The following PLCH1 variants were observed in gnomAD, a reference collection of about 807,000 sequenced individuals.
PLCH1 encodes the protein 1-phosphatidylinositol 4,5-bisphosphate phosphodiesterase eta-1.
In PLCH1, 60 loss-of-function variants were observed where a neutral mutation model predicts 126.7. That is an observed-to-expected ratio of 0.47 (90% confidence interval 0.38 to 0.59). The LOEUF (loss-of-function observed/expected upper bound fraction) is 0.59, where lower values mean the gene tolerates loss of function less well. Among genes scored for constraint, PLCH1 ranks in the 20% least tolerant of loss-of-function variants. The pLI is 0.00. For missense variants in PLCH1, 1,723 were observed against 2,040.0 expected (o/e 0.84, Z 2.99); for synonymous variants, 719 against 734.9 (o/e 0.98, Z 0.35).
rs10626251 is a variant in PLCH1 at position 155,456,335 on chromosome 3, TAA to T, written c.2938+29019_2938+29020del. On this transcript the variant is annotated intron_variant, in intron 21 of 21. Transcript: ENST00000494598. ...CTAACACTAATGATAGCTAATGAGC[TAA>T]AAAAAAAAAAAAAAATCTCATAATG... Among the ~76,000 whole-genome samples, 504 of 136,046 alleles carry T rather than the reference TAA, an allele frequency of 3.7e-3. 5 individuals carry two copies. The highest frequency in any genetic ancestry group is 9.6e-3 in the African/African-American group (357 of 37,268). The allele number at this position is 136,046 out of a possible 152,430, so 89.3% of individuals were successfully genotyped here.
chr3:155,667,614 CTGAT>C (rs1742871682), intron 2 of PLCH1, among the ~76,000 whole-genome samples: 2 of 152,122 alleles, frequency 1.3e-5, no homozygotes, highest in East Asian at 1.9e-4. Flanking sequence ...AATTATAAAA[CTGAT>C]TGGCTCAACT....
chr3:155,673,647 G>T (rs183375961), intron 2 of PLCH1, among the ~76,000 whole-genome samples: 1 of 152,082 alleles, frequency 6.6e-6, no homozygotes, highest in Non-Finnish European at 1.5e-5. Flanking sequence ...TCTGTTACAC[G>T]TCTTCAAGAA....
intron 10 of PLCH1, among the ~76,000 whole-genome samples, chr3:155,532,106 A>C (rs1226910763): frequency 6.6e-6 from 1 of 152,190 alleles, no homozygotes; most frequent in Non-Finnish European, 1.5e-5. Flanking sequence ...CTTCCTCACT[A>C]AGCTTAATCA....
chr3:155,611,341 G>C (rs924864872), intron 2 of PLCH1, among the ~76,000 whole-genome samples: 2 of 152,072 alleles, frequency 1.3e-5, no homozygotes, highest in East Asian at 3.9e-4. Context: ...AGTGAGCCGA[G>C]ATCAGGCCAC....
rs746230852 is a variant in PLCH1 at position 155,485,599 on chromosome 3, G to A, written c.2731C>T (p.Arg911Ter). ...RKRSIGDRIL[R>*]RTASAPAKGR... ...TTGGCTGGGGCGCTAGCTGTGCGTC[G>A]CAGAATTCTATCTCCAATGGATCGC... The change falls in exon 22 of 23, where the codon CGA (arginine) becomes TGA (stop). Residue 911 changes from arginine to a stop codon, truncating the protein, a stop_gained. Transcript: ENST00000460012. LOFTEE classifies it high-confidence loss of function. 2 of 1,613,576 alleles carry A rather than the reference G, an allele frequency of 1.2e-6. No individual in the cohort carries two copies. The highest frequency in any genetic ancestry group is 1.7e-6 in the Non-Finnish European group (2 of 1,179,830).
intron 2 of PLCH1, among the ~76,000 whole-genome samples, chr3:155,685,128 G>A (rs1487029338): frequency 6.6e-6 from 1 of 152,174 alleles, no homozygotes; most frequent in Non-Finnish European, 1.5e-5. Flanking sequence ...TCCAAACTCA[G>A]ATTCTGGATA....
intron 11 of PLCH1, among the ~76,000 whole-genome samples, chr3:155,522,876 C>T (rs10513478): frequency 0.067 from 10,054 of 149,860 alleles, 454 homozygotes; most frequent in Middle Eastern, 0.1. Context: ...CAGAAAGAAG[C>T]GATGAGGCAT....
chr3:155,567,120 T>C (rs1395012446), intron 7 of PLCH1, among the ~76,000 whole-genome samples: 4 of 152,198 alleles, frequency 2.6e-5, no homozygotes, highest in Non-Finnish European at 5.9e-5. Context: ...TCACCCAGGT[T>C]GAAATGCAGT....
intron 2 of PLCH1, among the ~76,000 whole-genome samples, chr3:155,671,483 T>G (rs1395329272): frequency 6.6e-6 from 1 of 152,220 alleles, no homozygotes; most frequent in African/African-American, 2.4e-5. Context: ...ATGTGAACTT[T>G]GTTTATTGAT....
intron 10 of PLCH1, among the ~76,000 whole-genome samples, chr3:155,542,531 C>T (rs565252203): frequency 6.6e-6 from 1 of 152,092 alleles, no homozygotes; most frequent in South Asian, 2.1e-4. Context: ...TTGAAGAGAG[C>T]AGTGGTTCTC....
intron 12 of PLCH1, among the ~76,000 whole-genome samples, chr3:155,505,750 G>A (rs1407859319): frequency 2.0e-5 from 3 of 152,122 alleles, no homozygotes; most frequent in Admixed American, 6.6e-5. Context: ...CTATTAATGC[G>A]GATCATTAAC....
intron 1 of PLCH1, among the ~76,000 whole-genome samples, chr3:155,716,802 A>C (rs1010569886): frequency 1.3e-5 from 2 of 152,146 alleles, no homozygotes; most frequent in Non-Finnish European, 2.9e-5. Context: ...GGCCCCCCAA[A>C]TCTCATGTCC....
At chr3:155,462,564 T>C (rs1712769052) in intron 21 of PLCH1, among the ~76,000 whole-genome samples, 1 of 152,096 alleles carries the variant, frequency 6.6e-6, no homozygotes, top group African/African-American at 2.4e-5. Context: ...TAGTGAAAAA[T>C]ATCTTGTTCT....
intron 10 of PLCH1, among the ~76,000 whole-genome samples, chr3:155,544,447 A>G (rs1269143130): frequency 6.6e-6 from 1 of 152,238 alleles, no homozygotes; most frequent in Non-Finnish European, 1.5e-5. Context: ...GGGAGACTTT[A>G]ACACCCCACT....
At chr3:155,457,759 T>C (rs1712488047) in intron 21 of PLCH1, 1 of 152,234 alleles carries the variant, frequency 6.6e-6, no homozygotes, top group South Asian at 2.1e-4. Flanking sequence ...TCATATGTCT[T>C]TGATAAGTGT....
rs1277933789 is a variant in PLCH1 at position 155,481,771 on chromosome 3, C to T, written c.4255G>A (p.Val1419Ile). Residue 1419 changes from valine to isoleucine, a missense_variant, in exon 23 of 23, where the codon GTC becomes ATC. Physicochemically the swap from Val to Ile is conservative, Grantham distance 29. Transcript: ENST00000460012. The surrounding 1 kb of genome is among the most constrained non-coding windows in gnomAD (Gnocchi z 4.2). ...AGATAAGAAATACTTTGAGTTTTGA[C>T]ATCTTGAATATTGTTGAATATTTCA... is the stretch of plus-strand genomic sequence containing the variant. ...VPEIFNNIQD[V>I]KTQSISYLAY... 8 of 1,614,158 alleles carry T rather than the reference C, an allele frequency of 5.0e-6. No individual in the cohort carries two copies. Among genetic ancestry groups the T allele is most frequent in the Non-Finnish European group, 6.8e-6 (8 of 1,179,994 alleles).
At chr3:155,450,981 T>A (rs1277490078) in intron 21 of PLCH1, among the ~76,000 whole-genome samples, 4 of 152,150 alleles carry the variant, frequency 2.6e-5, no homozygotes, top group African/African-American at 9.7e-5. Context: ...TACCTAACCA[T>A]GAGGATTCAT....
chr3:155,531,547 C>T (rs1305876132), intron 10 of PLCH1, among the ~76,000 whole-genome samples: 1 of 152,204 alleles, frequency 6.6e-6, no homozygotes, highest in Non-Finnish European at 1.5e-5. Context: ...ATCACTTGAA[C>T]CCAGGAGGTA....
At chr3:155,642,980 C>T (rs1739582165) in intron 2 of PLCH1, among the ~76,000 whole-genome samples, 2 of 152,108 alleles carry the variant, frequency 1.3e-5, no homozygotes, top group Non-Finnish European at 1.5e-5. Context: ...AAGGGAGTCT[C>T]ACTTTGTCAC....
Sources: allele counts gnomAD v4.1 joint callset (sites outside exome capture counted in the v4.1 genomes callset), GRCh38; gene constraint gnomAD v4.1.1; non-coding constraint Gnocchi (gnomAD v3.1); transcripts MANE v1.5; gene names NCBI Gene and HGNC (gene_info 2026-07-23, HGNC 2026-07-21).